The following GSR variants were observed in gnomAD, a reference collection of about 807,000 sequenced individuals.
GSR encodes the protein glutathione-disulfide reductase.
A neutral mutation model predicts 56.5 loss-of-function variants in GSR; 48 were observed. That is an observed-to-expected ratio of 0.85 (90% CI 0.67 to 1.08). GSR has a LOEUF of 1.08. Ranked by LOEUF, GSR falls within the 50% of genes least tolerant of loss-of-function variation. The pLI, the probability that GSR is intolerant of heterozygous loss-of-function variation, is 0.00. For synonymous variants in GSR, 264 were observed against 270.8 expected (o/e 0.97, Z 0.25); for missense variants, 694 against 703.3 (o/e 0.99, Z 0.15).
At chr8:30,722,127 T>C (rs914724312) in intron 1 of GSR, among the ~76,000 whole-genome samples, 1 of 152,108 alleles carries the variant, frequency 6.6e-6, no homozygotes, top group Non-Finnish European at 1.5e-5. Flanking sequence ...GCAGATTTAG[T>C]GGGTTTTGAG....
chr8:30,722,102 T>C (rs1179622264), intron 1 of GSR, among the ~76,000 whole-genome samples: 2 of 152,196 alleles, frequency 1.3e-5, no homozygotes, highest in African/African-American at 2.4e-5. Context: ...AGGCAGTCTA[T>C]CTTTTCCTAG....
chr8:30,685,537 C>A (rs1397782100), intron 9 of GSR, among the ~76,000 whole-genome samples: 1 of 152,068 alleles, frequency 6.6e-6, no homozygotes, highest in East Asian at 1.9e-4. Context: ...TTGATGTTTC[C>A]CTTAACCAAA....
At chr8:30,698,767 C>T (rs984003492) in intron 6 of GSR, among the ~76,000 whole-genome samples, 2 of 152,136 alleles carry the variant, frequency 1.3e-5, no homozygotes, top group Admixed American at 1.3e-4. Context: ...TAGCACAGCC[C>T]CTGAGGGAGC....
intron 7 of GSR, among the ~76,000 whole-genome samples, chr8:30,695,960 A>T (rs1448793757): frequency 6.6e-6 from 1 of 152,152 alleles, no homozygotes; most frequent in Non-Finnish European, 1.5e-5. Context: ...GACTCGCTTG[A>T]GCCCAGGAGG....
At chr8:30,692,196 CTT>C (rs71206279) in intron 8 of GSR, among the ~76,000 whole-genome samples, 2,356 of 75,384 alleles carry the variant, frequency 0.031, 3 homozygotes, top group African/African-American at 0.087. Flanking sequence ...TAAAATACAG[CTT>C]TTTTTTTTTT....
At chr8:30,700,716 T>G (rs1420759996) in intron 5 of GSR, among the ~76,000 whole-genome samples, 1 of 25,922 alleles carries the variant, frequency 3.9e-5, no homozygotes, top group Non-Finnish European at 8.4e-5. Context: ...GAGCAAGATT[T>G]TGTCTCCAAA....
intron 4 of GSR, among the ~76,000 whole-genome samples, chr8:30,705,270 T>A (rs200652814): frequency 0.14 from 7,319 of 52,760 alleles, 226 homozygotes; most frequent in South Asian, 0.34. Flanking sequence ...TACAAAAAAA[T>A]TTTTTTTTTT....
At position 30,689,029 on chromosome 8, in the gene GSR, A is replaced by C. The variant is rs533352455; in HGVS notation, c.1041+132T>G. 3 of 772,230 alleles carry C rather than the reference A, an allele frequency of 3.9e-6. No homozygotes were observed. The South Asian group carries it at 4.5e-5, about 12-fold the overall frequency. 47.8% of individuals were successfully genotyped at this position (772,230 alleles called of 1,614,324 possible). The stretch of plus-strand genomic sequence containing the variant: ...GGAAGAAGCAATGAAATTTGATCAC[A>C]AACTGAATACATGGGAAAAAGAGAA... On this transcript the variant is annotated intron_variant, in intron 9 of 12. Coordinates refer to ENST00000221130, the MANE Select transcript of GSR (RefSeq NM_000637.5).
intron 8 of GSR, among the ~76,000 whole-genome samples, chr8:30,690,105 T>C (rs1287653391): frequency 6.9e-6 from 1 of 144,034 alleles, no homozygotes; most frequent in African/African-American, 2.5e-5. Context: ...AAATAAAATA[T>C]ACATATATAA....
At position 30,703,204 on chromosome 8, in the gene GSR, T is replaced by C. The variant is rs1210431726; in HGVS notation, c.529A>G (p.Thr177Ala). ...TCTATTGTGGGCTTGGGATCACTCG[T>C]GAAGGCTGCATGGCCACGGATGATT... Reference protein sequence around the residue: ...IEIIRGHAAFTSDPKPTIEVS... With the variant: ...IEIIRGHAAFASDPKPTIEVS... Residue 177 changes from threonine to alanine, a missense_variant, in exon 5 of 13, where the codon ACG becomes GCG. Transcript: ENST00000221130. The C allele has an allele frequency of 2.5e-6, 4 of 1,613,940 alleles. 1 individual carries two copies. The African/African-American group carries it at 5.3e-5, about 22-fold the overall frequency.
At chr8:30,688,699 C>T (rs983049149) in intron 9 of GSR, among the ~76,000 whole-genome samples, 9 of 148,600 alleles carry the variant, frequency 6.1e-5, no homozygotes, top group African/African-American at 1.5e-4. Flanking sequence ...CTGAGATGGG[C>T]GAATCGCTTG....
At chr8:30,716,989 G>A (rs1358329646) in intron 1 of GSR, among the ~76,000 whole-genome samples, 4 of 152,020 alleles carry the variant, frequency 2.6e-5, no homozygotes, top group African/African-American at 4.8e-5. Context: ...TGTAATCCCA[G>A]CACTTCGGGA....
At chr8:30,694,244 G>A (rs1023082937) in intron 7 of GSR, among the ~76,000 whole-genome samples, 3 of 152,104 alleles carry the variant, frequency 2.0e-5, no homozygotes, top group African/African-American at 7.2e-5. Flanking sequence ...TAGAATCATA[G>A]CATCTTGGTA....
intron 1 of GSR, among the ~76,000 whole-genome samples, chr8:30,726,293 C>A (rs1804721624): frequency 6.6e-6 from 1 of 152,104 alleles, no homozygotes; most frequent in African/African-American, 2.4e-5. Flanking sequence ...AACACAGAAG[C>A]CCATCCCTGT....
intron 9 of GSR, among the ~76,000 whole-genome samples, chr8:30,685,008 C>T (rs896812208): frequency 2.6e-5 from 4 of 151,176 alleles, no homozygotes; most frequent in East Asian, 1.9e-4. Context: ...CTCGCTCTGT[C>T]GCCCAGGCTG....
chr8:30,701,978 G>C (rs1453495653), intron 5 of GSR, among the ~76,000 whole-genome samples: 1 of 152,034 alleles, frequency 6.6e-6, no homozygotes, highest in African/African-American at 2.4e-5. Flanking sequence ...CAAGGCCTTA[G>C]TGAGCTGTGA....
At chr8:30,705,256 T>C (rs1803882059) in intron 4 of GSR, among the ~76,000 whole-genome samples, 2 of 70,806 alleles carry the variant, frequency 2.8e-5, no homozygotes, top group South Asian at 1.4e-3. Context: ...CAAGACCTCA[T>C]CTCTACAAAA....
chr8:30,680,694 AT>A (rs1802922907), intron 12 of GSR, among the ~76,000 whole-genome samples: 1 of 151,888 alleles, frequency 6.6e-6, no homozygotes, highest in African/African-American at 2.4e-5. Flanking sequence ...CACGCCTGGC[AT>A]CGTCTTTATT....
chr8:30,720,950 C>T (rs1009473425), intron 1 of GSR, among the ~76,000 whole-genome samples: 3 of 151,922 alleles, frequency 2.0e-5, no homozygotes, highest in African/African-American at 7.3e-5. Context: ...ACAGCGAGAC[C>T]CCATCACCAC....
Sources: allele counts gnomAD v4.1 joint callset (sites outside exome capture counted in the v4.1 genomes callset), GRCh38; gene constraint gnomAD v4.1.1; transcripts MANE v1.5; gene names NCBI Gene and HGNC (gene_info 2026-07-23, HGNC 2026-07-21).